Variants in CX3CR1 observed in about 807,000 individuals in gnomAD.
CX3CR1 encodes C-X3-C motif chemokine receptor 1.
For missense variants in CX3CR1, 363 were observed against 432.4 expected (o/e 0.84, Z 1.42); for synonymous variants, 168 against 178.5 (o/e 0.94, Z 0.47).
intron 1 of CX3CR1, among the ~76,000 whole-genome samples, chr3:39,274,949 C>T (rs1375705468): frequency 6.6e-6 from 1 of 152,030 alleles, no homozygotes; most frequent in Non-Finnish European, 1.5e-5. Flanking sequence ...GCCACCTCCA[C>T]CTCCTGGGTT....
intron 1 of CX3CR1, among the ~76,000 whole-genome samples, chr3:39,269,164 A>AG (rs397776870): frequency 2.0e-5 from 3 of 151,466 alleles, no homozygotes; most frequent in African/African-American, 7.3e-5. Context: ...GAAAAAAAAA[A>AG]GTTCTATATT....
rs2040652104 is a variant in CX3CR1, at chr3:39,263,673, A to G, written c.*1769T>C. ...TCAGATACACAGCAATTTAACAGTT[A>G]CCACATCTGACTTCAATGAATACAC... is the stretch of plus-strand genomic sequence containing the variant. On this transcript the variant is annotated 3_prime_UTR_variant, in exon 2 of 2. Coordinates refer to ENST00000399220, the MANE Select transcript of CX3CR1 (RefSeq NM_001337.4). 1 of 152,262 alleles carries G rather than the reference A, an allele frequency of 6.6e-6. No homozygotes were observed. The highest frequency in any genetic ancestry group is 1.5e-5 in the Non-Finnish European group (1 of 68,050). The allele number at this position is 152,262 out of a possible 1,614,324, so 9.4% of individuals were successfully genotyped here.
the CX3CR1 span, chr3:39,287,021 G>A: frequency 6.6e-6 from 1 of 152,182 alleles, no homozygotes; most frequent in Non-Finnish European, 1.5e-5. Context: ...GTGAATACAG[G>A]GAAGCCGGGC....
intron 1 of CX3CR1, among the ~76,000 whole-genome samples, chr3:39,278,655 C>CTTTTTTTTT (rs55908068): frequency 9.6e-6 from 1 of 103,712 alleles, no homozygotes; most frequent in African/African-American, 3.7e-5. Context: ...TTTTTCTTTT[C>CTTTTTTTTT]TTTTTTTTTT....
chr3:39,292,320 G>A, the CX3CR1 span, among the ~76,000 whole-genome samples: 3 of 152,118 alleles, frequency 2.0e-5, no homozygotes, highest in Admixed American at 6.5e-5. Context: ...CAGAGCTGCT[G>A]TTGTCAGGTG....
chr3:39,271,025 G>C (rs930900603), intron 1 of CX3CR1, among the ~76,000 whole-genome samples: 1 of 152,112 alleles, frequency 6.6e-6, no homozygotes, highest in Admixed American at 6.5e-5. Flanking sequence ...CTGCAGTGAG[G>C]GCCCAGATGT....
intron 1 of CX3CR1, among the ~76,000 whole-genome samples, chr3:39,279,311 C>A (rs2040872211): frequency 6.6e-6 from 1 of 151,958 alleles, no homozygotes; most frequent in Non-Finnish European, 1.5e-5. Flanking sequence ...AATCTTTTAG[C>A]TTTTCTCTAT....
chr3:39,289,975 T>G, the CX3CR1 span, among the ~76,000 whole-genome samples: 1 of 152,216 alleles, frequency 6.6e-6, no homozygotes, highest in African/African-American at 2.4e-5. Context: ...TATTTTGTTA[T>G]GAAAGCCCAA....
At position 39,266,141 on chromosome 3, in the gene CX3CR1, G is replaced by A; in HGVS notation, c.369C>T (p.Ile123=). The A allele has an allele frequency of 6.2e-7, 1 of 1,614,226 alleles. No homozygotes were observed. Among genetic ancestry groups the A allele is most frequent in the African/African-American group, 1.3e-5 (1 of 75,042 alleles). The change falls in exon 2 of 2, where the codon ATC becomes ATT. Residue 123 remains isoleucine, a synonymous_variant. Transcript: ENST00000399220. ...FFGSIFFITV[I]SIDRYLAIVL... ...CGATGGCCAGGTACCTATCAATGCT[G>A]ATGACGGTGATGAAGAATATGCTTC...
intron 1 of CX3CR1, chr3:39,266,760 ATGGCTCTGTGAGCATT>A (rs1425499439): frequency 1.4e-6 from 1 of 718,528 alleles, no homozygotes; most frequent in African/African-American, 1.7e-5. Context: ...CATGCAGTAA[ATGGCTCTGTGAGCATT>A]TGGCTCTAGG....
At chr3:39,266,723 G>A (rs2040706382) in intron 1 of CX3CR1, 1 of 757,834 alleles carries the variant, frequency 1.3e-6, no homozygotes, top group Non-Finnish European at 2.4e-6. Flanking sequence ...TGACAGGAGA[G>A]GCGGACTCCT....
chr3:39,281,632 A>G, upstream of CX3CR1: 2 of 1,599,306 alleles, frequency 1.3e-6, no homozygotes, highest in African/African-American at 2.7e-5. Flanking sequence ...CTCCACCCAG[A>G]AGCCAGAGAG....
At position 39,266,191 on chromosome 3, in the gene CX3CR1, C is replaced by A. The variant is rs535968351; in HGVS notation, c.319G>T (p.Ala107Ser). 3.1e-6 allele frequency: 5 copies of A among 1,614,034 alleles called. No homozygotes were observed. The highest frequency in any genetic ancestry group is 1.1e-5 in the South Asian group (1 of 91,086). Residue 107 changes from alanine (A) to serine (S), a missense_variant, in exon 2 of 2, where the codon GCC (alanine) becomes TCC (serine). Ala to Ser is a moderately conservative substitution (Grantham distance 99). Transcript: ENST00000399220. The stretch of plus-strand genomic sequence containing the variant: ...CCAAAAAAGCCGATGAAGAAGAAGG[C>A]GGTAGTGAATTTGCACATGGCATTG... ...LHNAMCKFTT[A>S]FFFIGFFGSI...
the CX3CR1 span, among the ~76,000 whole-genome samples, chr3:39,292,903 C>T: frequency 6.6e-6 from 1 of 152,226 alleles, no homozygotes; most frequent in Non-Finnish European, 1.5e-5. Context: ...TCTACAACAT[C>T]ACACAGGTTC....
the CX3CR1 span, among the ~76,000 whole-genome samples, chr3:39,289,041 C>G: frequency 4.9e-4 from 74 of 152,184 alleles, no homozygotes; most frequent in African/African-American, 1.6e-3. Flanking sequence ...GTAATCCCAG[C>G]TACTCAGGAG....
At chr3:39,279,397 A>G (rs1463620013) in intron 1 of CX3CR1, among the ~76,000 whole-genome samples, 1 of 152,122 alleles carries the variant, frequency 6.6e-6, no homozygotes, top group African/African-American at 2.4e-5. Flanking sequence ...AAATTTAAAA[A>G]CTCTTTATTA....
chr3:39,277,570 G>A (rs2040853559), intron 1 of CX3CR1, among the ~76,000 whole-genome samples: 1 of 152,162 alleles, frequency 6.6e-6, no homozygotes, highest in Admixed American at 6.5e-5. Context: ...CAGGATACTG[G>A]GTCAGAGGCT....
the CX3CR1 span, among the ~76,000 whole-genome samples, chr3:39,288,991 TA>T: frequency 1.3e-5 from 2 of 151,994 alleles, no homozygotes; most frequent in East Asian, 1.9e-4. Flanking sequence ...ACATCTCTAC[TA>T]AAAGTACAAA....
intron 1 of CX3CR1, among the ~76,000 whole-genome samples, chr3:39,274,925 C>G (rs4676624): frequency 0.97 from 146,999 of 151,850 alleles, 71,310 homozygotes; most frequent in East Asian, 1. Flanking sequence ...GCAATGGTGC[C>G]ATCTTGGCTC....
Sources: allele counts gnomAD v4.1 joint callset (sites outside exome capture counted in the v4.1 genomes callset), GRCh38; gene constraint gnomAD v4.1.1; transcripts MANE v1.5; gene names NCBI Gene and HGNC (gene_info 2026-07-23, HGNC 2026-07-21).